The following GRM7 variants were observed in gnomAD, a reference collection of about 807,000 sequenced individuals.
The protein encoded by GRM7 is metabotropic glutamate receptor 7.
In GRM7, 35 loss-of-function variants were observed where a neutral mutation model predicts 84.5. The observed-to-expected ratio is 0.41, with a 90% CI of 0.32 to 0.55. The LOEUF (loss-of-function observed/expected upper bound fraction) is 0.55. Among genes scored for constraint, GRM7 ranks in the 20% least tolerant of loss-of-function variants. The pLI is 0.19. For synonymous variants in GRM7, 487 were observed against 455.1 expected (o/e 1.07, Z -0.89); for missense variants, 1,003 against 1,194.6 (o/e 0.84, Z 2.36).
At chr3:7,713,102 G>A (rs144683406) in intron 9 of GRM7, among the ~76,000 whole-genome samples, 13 of 146,270 alleles carry the variant, frequency 8.9e-5, no homozygotes, top group Non-Finnish European at 1.8e-4. Context: ...TTCACAGATA[G>A]AGAGGATTCG....
chr3:7,735,695 T>C (rs188701409), intron 9 of GRM7, among the ~76,000 whole-genome samples: 6 of 152,260 alleles, frequency 3.9e-5, no homozygotes, highest in Admixed American at 6.5e-5. Context: ...AATTATGCCT[T>C]TTAGATGGGG....
intron 4 of GRM7, among the ~76,000 whole-genome samples, chr3:7,409,344 T>A (rs1471838797): frequency 1.3e-5 from 2 of 152,038 alleles, no homozygotes; most frequent in Non-Finnish European, 2.9e-5. Context: ...GGAATTGACA[T>A]AAGTGAAAGC....
At chr3:7,413,098 C>T (rs1293691127) in intron 4 of GRM7, among the ~76,000 whole-genome samples, 4 of 152,132 alleles carry the variant, frequency 2.6e-5, no homozygotes, top group African/African-American at 9.7e-5. Flanking sequence ...TTGTATTGGA[C>T]AGCCTATTCC....
chr3:7,005,526 T>C (rs914460830), intron 1 of GRM7, among the ~76,000 whole-genome samples: 1 of 152,218 alleles, frequency 6.6e-6, no homozygotes, highest in African/African-American at 2.4e-5. Flanking sequence ...TATGTTAATT[T>C]AGGTATTTGC....
At chr3:7,042,701 T>G (rs2124943325) in intron 1 of GRM7, among the ~76,000 whole-genome samples, 1 of 152,286 alleles carries the variant, frequency 6.6e-6, no homozygotes, top group East Asian at 1.9e-4. Context: ...TTTTTGTATC[T>G]CTCCTTAACA....
intron 4 of GRM7, among the ~76,000 whole-genome samples, chr3:7,384,138 C>T (rs558752672): frequency 1.3e-5 from 2 of 152,276 alleles, no homozygotes; most frequent in South Asian, 2.1e-4. Context: ...AAGCGATTCT[C>T]GTGCCTCAGC....
intron 5 of GRM7, among the ~76,000 whole-genome samples, chr3:7,452,382 A>C (rs1371338440): frequency 2.6e-5 from 4 of 152,180 alleles, no homozygotes; most frequent in Non-Finnish European, 5.9e-5. Flanking sequence ...AGGTGTCACA[A>C]AGTAAAATAC....
intron 9 of GRM7, among the ~76,000 whole-genome samples, chr3:7,726,038 A>G (rs886915027): frequency 2.0e-5 from 3 of 152,180 alleles, no homozygotes; most frequent in African/African-American, 7.2e-5. Context: ...AGACTAGACA[A>G]AATTCTTAGG....
intron 8 of GRM7, among the ~76,000 whole-genome samples, chr3:7,659,083 A>T (rs9864327): frequency 0.45 from 68,987 of 152,046 alleles, 16,370 homozygotes; most frequent in Non-Finnish European, 0.53. Flanking sequence ...TGAATTGCTC[A>T]TATTTCTGTT....
chr3:7,394,601 T>C (rs1288193687), intron 4 of GRM7, among the ~76,000 whole-genome samples: 1 of 151,670 alleles, frequency 6.6e-6, no homozygotes, highest in Non-Finnish European at 1.5e-5. Context: ...TCATCTTCTT[T>C]TTTCCTCCCC....
At chr3:7,364,353 A>T (rs1693789803) in intron 4 of GRM7, among the ~76,000 whole-genome samples, 1 of 151,744 alleles carries the variant, frequency 6.6e-6, no homozygotes, top group South Asian at 2.1e-4. Context: ...GCATTTATAA[A>T]TATGTTTGTT....
chr3:6,952,224 A>C (rs902881714), intron 1 of GRM7, among the ~76,000 whole-genome samples: 1 of 152,192 alleles, frequency 6.6e-6, no homozygotes, highest in Non-Finnish European at 1.5e-5. Context: ...TATTCCCTAC[A>C]ACCTAGGCCA....
In GRM7 at chr3:6,928,890, CAT is replaced by C. The variant is rs565334036; in HGVS notation, c.519+66985_519+66986del. 2.1e-3 allele frequency among the ~76,000 whole-genome samples: 317 copies of C among 152,338 alleles called. No homozygotes were observed. Among genetic ancestry groups the C allele is most frequent in the Middle Eastern group, 6.8e-3 (2 of 294 alleles). ...TTGAACTGGTACATAAAATGCCAGT[CAT>C]AGTGTTTTAAAGTGATTTTTCCCTC... On this transcript the variant is annotated intron_variant, in intron 1 of 9. Coordinates refer to ENST00000357716, the MANE Select transcript of GRM7 (RefSeq NM_000844.4). This position sits in a 1 kb window ranked among gnomAD's most constrained non-coding sequence, Gnocchi z 4.5.
chr3:6,893,966 C>T (rs1307996348), intron 1 of GRM7: 1 of 152,054 alleles, frequency 6.6e-6, no homozygotes, highest in Non-Finnish European at 1.5e-5. Flanking sequence ...TCATTCTTTC[C>T]TGGGGGCATA....
intron 4 of GRM7, among the ~76,000 whole-genome samples, chr3:7,377,485 C>T (rs1042157466): frequency 5.9e-5 from 9 of 152,086 alleles, no homozygotes; most frequent in African/African-American, 2.2e-4. Context: ...TACGGGATAT[C>T]AGTGATGAGA....
In GRM7 at chr3:7,262,454, A is replaced by C. The variant is rs572628329; in HGVS notation, c.737-36230A>C. Among the ~76,000 whole-genome samples, 3 of 152,288 alleles carry C rather than the reference A, an allele frequency of 2.0e-5. No homozygotes were observed. The South Asian group carries it at 6.2e-4, about 32-fold the overall frequency. On this transcript the variant is annotated intron_variant, in intron 2 of 9. Coordinates refer to ENST00000357716, the MANE Select transcript of GRM7 (RefSeq NM_000844.4). ...GTGTGTTTTTCAGCTCTATCAGGTCAGTTACATTCTTTTCTATACTGGCTT... is the reference window on the plus strand; with the variant it reads ...GTGTGTTTTTCAGCTCTATCAGGTCCGTTACATTCTTTTCTATACTGGCTT...
chr3:7,425,152 A>C (rs1696554961), intron 5 of GRM7, among the ~76,000 whole-genome samples: 1 of 152,198 alleles, frequency 6.6e-6, no homozygotes. Flanking sequence ...ACCCAGGCAC[A>C]TAAGGGCTCG....
chr3:7,404,590 A>G (rs774716067), intron 4 of GRM7, among the ~76,000 whole-genome samples: 3 of 152,174 alleles, frequency 2.0e-5, no homozygotes, highest in African/African-American at 4.8e-5. Flanking sequence ...GAATCTACCA[A>G]TCCTACGGTA....
intron 1 of GRM7, among the ~76,000 whole-genome samples, chr3:6,905,062 GT>G (rs1380359588): frequency 6.6e-6 from 1 of 152,078 alleles, no homozygotes; most frequent in Non-Finnish European, 1.5e-5. Flanking sequence ...CTCCGTCTTG[GT>G]TTTGCTTTCC....
Sources: allele counts gnomAD v4.1 joint callset (sites outside exome capture counted in the v4.1 genomes callset), GRCh38; gene constraint gnomAD v4.1.1; non-coding constraint Gnocchi (gnomAD v3.1); transcripts MANE v1.5; gene names NCBI Gene and HGNC (gene_info 2026-07-23, HGNC 2026-07-21).